ARHGAP32: variants seen among roughly 807,000 people sequenced by gnomAD.
The protein encoded by ARHGAP32 is rho GTPase-activating protein 32.
ARHGAP32 carries 51 observed loss-of-function variants against 186.5 expected under a neutral mutation model. The observed-to-expected ratio is 0.27, with a 90% CI of 0.22 to 0.35. ARHGAP32 has a LOEUF of 0.35. ARHGAP32 is among the 10% of genes least tolerant of loss of function. The pLI is 1.00. For missense variants in ARHGAP32, 2,186 were observed against 2,623.5 expected (o/e 0.83, Z 3.64); for synonymous variants, 950 against 964.3 (o/e 0.99, Z 0.27).
At chr11:129,172,134 T>G (rs1943777555) in intron 1 of ARHGAP32, among the ~76,000 whole-genome samples, 1 of 152,178 alleles carries the variant, frequency 6.6e-6, no homozygotes, top group Non-Finnish European at 1.5e-5. Flanking sequence ...CTTGACTTCC[T>G]CTCTTCCTAC....
Position 129,060,967 on chromosome 11 carries a change from C to T in ARHGAP32, c.963+1313G>A, listed in dbSNP as rs567971896. On this transcript the variant is annotated intron_variant, in intron 10 of 22. Coordinates refer to ENST00000682385, the MANE Select transcript of ARHGAP32 (RefSeq NM_001378024.1). ...GACACAGAGAATTAAACAATTTGCC[C>T]GAGACAACACAGGATTAAAACCCAG... 9.3e-5 allele frequency among the ~76,000 whole-genome samples: 14 copies of T among 150,992 alleles called. No homozygotes were observed. The East Asian group carries it at 9.8e-4, about 11-fold the overall frequency.
chr11:129,037,147 A>G (rs969493355), intron 11 of ARHGAP32, among the ~76,000 whole-genome samples: 9 of 152,368 alleles, frequency 5.9e-5, no homozygotes, highest in African/African-American at 2.2e-4. Flanking sequence ...GAAATTCAAC[A>G]AAAGATATAT....
chr11:129,053,422 A>G (rs1158545826), intron 10 of ARHGAP32, among the ~76,000 whole-genome samples: 1 of 152,144 alleles, frequency 6.6e-6, no homozygotes. Flanking sequence ...CCAGATTTCT[A>G]CCATTTTAAA....
At chr11:128,993,275 T>C (rs536905430) in intron 12 of ARHGAP32, 4 of 152,212 alleles carry the variant, frequency 2.6e-5, no homozygotes, top group Non-Finnish European at 4.4e-5. Context: ...GTGTCATTTT[T>C]GTGCAGGGGT....
At chr11:129,013,852 T>C (rs1481790394) in intron 11 of ARHGAP32, among the ~76,000 whole-genome samples, 1 of 152,190 alleles carries the variant, frequency 6.6e-6, no homozygotes, top group East Asian at 1.9e-4. Context: ...GGAAAGTATC[T>C]AATACTGTTA....
At chr11:128,975,596 G>A (rs1477759358) in intron 20 of ARHGAP32, among the ~76,000 whole-genome samples, 4 of 152,058 alleles carry the variant, frequency 2.6e-5, no homozygotes, top group Non-Finnish European at 4.4e-5. Flanking sequence ...TAGGTTTTAA[G>A]TTTCCCAAGC....
Position 129,157,407 on chromosome 11 carries a change from C to A in ARHGAP32, c.225+6912G>T, listed in dbSNP as rs181203098. Among the ~76,000 whole-genome samples, 5 of 151,966 alleles carry A rather than the reference C, an allele frequency of 3.3e-5. No homozygotes were observed. In the East Asian group the frequency reaches 9.7e-4, roughly 30 times the overall value. ...TAAATTACTTGATGGAGCCGAGAAA[C>A]ACAGCACAAGAACATCGTGAAGCTT... On this transcript the variant is annotated intron_variant, in intron 2 of 22. Transcript: ENST00000682385.
chr11:129,266,913 AG>A (rs1383594831), intron 1 of ARHGAP32, among the ~76,000 whole-genome samples: 4 of 152,246 alleles, frequency 2.6e-5, no homozygotes, highest in African/African-American at 9.6e-5. Flanking sequence ...AGTTCTCCTA[AG>A]GACAGATGAC....
chr11:129,215,033 T>C (rs537209319), intron 1 of ARHGAP32, among the ~76,000 whole-genome samples: 3 of 152,240 alleles, frequency 2.0e-5, no homozygotes, highest in East Asian at 1.9e-4. Context: ...AAAATGGATA[T>C]ACCTCACAAG....
chr11:129,230,196 G>C (rs1356517409), intron 1 of ARHGAP32, among the ~76,000 whole-genome samples: 2 of 147,840 alleles, frequency 1.4e-5, no homozygotes, highest in Admixed American at 6.9e-5. Flanking sequence ...TCTTGTAAAA[G>C]AAATAATTAC....
At chr11:129,230,180 T>C (rs997154463) in intron 1 of ARHGAP32, among the ~76,000 whole-genome samples, 3 of 151,716 alleles carry the variant, frequency 2.0e-5, no homozygotes, top group Non-Finnish European at 4.4e-5. Context: ...GGACATTGGG[T>C]GGCACTCTTG....
At chr11:129,007,127 G>T (rs572388436) in intron 11 of ARHGAP32, among the ~76,000 whole-genome samples, 1 of 152,204 alleles carries the variant, frequency 6.6e-6, no homozygotes, top group African/African-American at 2.4e-5. Context: ...TCACGGCAGT[G>T]GGCTCCCCTC....
rs1349983358 is a variant in ARHGAP32 at position 128,967,364 on chromosome 11, T to C, written c.*1543A>G. On this transcript the variant is annotated 3_prime_UTR_variant, in exon 23 of 23. Coordinates refer to ENST00000682385, the MANE Select transcript of ARHGAP32 (RefSeq NM_001378024.1). ...CAACCATCCAGTAATTGGAATGCAA[T>C]TCTCCTAGTGTCTTCTACAGACCGA... 1 of 152,250 alleles carries C rather than the reference T, an allele frequency of 6.6e-6. No homozygotes were observed. The highest frequency in any genetic ancestry group is 6.5e-5 in the Admixed American group (1 of 15,280). The allele number at this position is 152,250 out of a possible 1,614,324, so 9.4% of individuals were successfully genotyped here.
At chr11:129,221,896 C>T (rs1339362793) in intron 1 of ARHGAP32, among the ~76,000 whole-genome samples, 2 of 152,254 alleles carry the variant, frequency 1.3e-5, no homozygotes, top group African/African-American at 4.8e-5. Flanking sequence ...GACGTACCCA[C>T]AGTATGTTAC....
intron 1 of ARHGAP32, among the ~76,000 whole-genome samples, chr11:129,271,142 G>A (rs920259752): frequency 9.9e-5 from 15 of 152,178 alleles, no homozygotes; most frequent in Non-Finnish European, 2.2e-4. Context: ...GATACGATCT[G>A]ATTAACGTTT....
intron 11 of ARHGAP32, among the ~76,000 whole-genome samples, chr11:129,028,937 A>T (rs991161738): frequency 3.9e-5 from 6 of 152,230 alleles, no homozygotes; most frequent in African/African-American, 1.4e-4. Context: ...AGGAGATTCC[A>T]GTCAAGTACA....
intron 1 of ARHGAP32, among the ~76,000 whole-genome samples, chr11:129,269,709 C>T (rs1945451663): frequency 6.6e-6 from 1 of 151,968 alleles, no homozygotes; most frequent in African/African-American, 2.4e-5. Context: ...AGAGTAAAAC[C>T]CTGTCTCTAA....
intron 11 of ARHGAP32, among the ~76,000 whole-genome samples, chr11:129,017,378 C>T (rs755191415): frequency 6.1e-5 from 9 of 146,604 alleles, no homozygotes; most frequent in Admixed American, 2.8e-4. Flanking sequence ...AACCTGGAGG[C>T]GGAGGCTGCA....
chr11:129,198,118 T>C (rs921695615), intron 1 of ARHGAP32, among the ~76,000 whole-genome samples: 6 of 152,206 alleles, frequency 3.9e-5, no homozygotes, highest in Non-Finnish European at 7.3e-5. Flanking sequence ...AACACATGTA[T>C]TCAAAGGGAG....
Sources: gnomAD v4.1 joint callset for allele counts (sites outside exome capture counted in the v4.1 genomes callset) on GRCh38, gnomAD v4.1.1 for gene constraint, MANE v1.5 for transcripts, NCBI Gene and HGNC (gene_info 2026-07-23, HGNC 2026-07-21) for gene names.